The following NT5DC4 variants were observed in gnomAD, a reference collection of about 807,000 sequenced individuals.
The protein encoded by NT5DC4 is 5'-nucleotidase domain containing 4.
In NT5DC4, 44 loss-of-function variants were observed where a neutral mutation model predicts 26.6. The ratio of observed to expected loss-of-function variants is 1.65; its 90% confidence interval spans 1.30 to 2.13. NT5DC4 has a LOEUF of 2.13. Among genes scored for constraint, NT5DC4 ranks in the 30% most tolerant of loss-of-function variants. The pLI, the probability that NT5DC4 is intolerant of heterozygous loss-of-function variation, is 0.00. For missense variants in NT5DC4, 399 were observed against 228.1 expected, an observed-to-expected ratio of 1.75 and a Z score of -4.83; for synonymous variants, 157 against 86.7, an observed-to-expected ratio of 1.81 and a Z score of -4.51.
chr2:112,728,917 C>T (rs369795040), intron 15 of NT5DC4, among the ~76,000 whole-genome samples: 4 of 152,136 alleles, frequency 2.6e-5, no homozygotes, highest in Non-Finnish European at 4.4e-5. Flanking sequence ...TGGCTTTCAC[C>T]GGGCGGCCTC....
chr2:112,721,338 A>C, intron 1 of NT5DC4, 185 bp downstream of exon 1: 1 of 651,538 alleles, frequency 1.5e-6, no homozygotes, highest in African/African-American at 1.8e-5. Flanking sequence ...CTGACCACAC[A>C]CACTCCGGCG....
chr2:112,722,594 G>A lies in NT5DC4; in HGVS notation c.469+5G>A, dbSNP rs1380803811. The A allele has an allele frequency of 2.8e-6, 2 of 717,482 alleles. No homozygotes were observed. Among genetic ancestry groups the A allele is most frequent in the African/African-American group, 3.5e-5 (2 of 57,368 alleles). The allele number at this position is 717,482 out of a possible 1,614,324, so 44.4% of individuals were successfully genotyped here. The stretch of plus-strand genomic sequence containing the variant: ...ACATGCTCTTCAACCTGCCTGGTGG[G>A]TGGAGGGTTGGGGGCACGGGAGGTG... On this transcript the variant is annotated splice_donor_5th_base_variant and intron_variant, in intron 5 of 16. Transcript: ENST00000688554.
At chr2:112,719,904 T>TTTTCTTTCTTTCTTTCTTTCTTTCTTTC (rs1172710335), upstream of NT5DC4, among the ~76,000 whole-genome samples, 4 of 98,658 alleles carry the variant, frequency 4.1e-5, no homozygotes, top group African/African-American at 1.6e-4. Flanking sequence ...CTTTCTTTCT[T>TTTTCTTTCTTTCTTTCTTTCTTTCTTTC]TTTCTTTCTT....
intron 10 of NT5DC4, chr2:112,724,403 G>A (rs1270338187): frequency 1.0e-5 from 6 of 584,536 alleles, no homozygotes; most frequent in Admixed American, 3.0e-5. Flanking sequence ...GGCATGGCAG[G>A]TCAAAGGGAG....
chr2:112,718,907 C>T (rs541012243), upstream of NT5DC4, among the ~76,000 whole-genome samples: 43 of 152,346 alleles, frequency 2.8e-4, no homozygotes, highest in African/African-American at 1.0e-3. Flanking sequence ...TGTCCATTCA[C>T]TCATTCATGC....
intron 16 of NT5DC4, chr2:112,738,663 G>A (rs1679568429): frequency 1.6e-6 from 1 of 611,204 alleles, no homozygotes; most frequent in Admixed American, 3.0e-5. Context: ...TTTCCCATGG[G>A]GAGAGAAAAT....
rs1677789542 is a variant in NT5DC4, at chr2:112,726,757, G to A, written c.1266+19G>A. The A allele has an allele frequency of 2.8e-6, 2 of 717,386 alleles. No individual in the cohort carries two copies. The highest frequency in any genetic ancestry group is 1.7e-5 in the African/African-American group (1 of 57,278). 44.4% of individuals were successfully genotyped at this position (717,386 alleles called of 1,614,324 possible). A position where few individuals can be genotyped will look rare whatever the true frequency, so the allele number is the denominator to read the frequency against. ...GATCCAGGTGGGAGCTGGGTGGCGA[G>A]GGAAGGGACAGGCCCAGCAGGGGCG... On this transcript the variant is annotated intron_variant, in intron 15 of 16. Coordinates refer to ENST00000688554, the MANE Select transcript of NT5DC4 (RefSeq NM_001393655.1).
rs537103276 is a variant in NT5DC4 at position 112,723,467 on chromosome 2, A to G, written c.671A>G (p.Asp224Gly). ...GACTTGGAGAAATATGTGAAGAAGG[A>G]TGTGAGTGGCCACAGACCCAGGGCC... ...LEDLEKYVKK[D>G]PRLPILLGKM... The change falls in exon 8 of 17, where the codon GAT becomes GGT. Residue 224 changes from aspartate to glycine, a missense_variant and splice_region_variant. Coordinates refer to ENST00000688554, the MANE Select transcript of NT5DC4 (RefSeq NM_001393655.1). The G allele has an allele frequency of 1.5e-4, 108 of 717,222 alleles. No individual in the cohort carries two copies. Among genetic ancestry groups the G allele is most frequent in the African/African-American group, 1.5e-3 (84 of 57,340 alleles). The allele number at this position is 717,222 out of a possible 1,614,324, so 44.4% of individuals were successfully genotyped here.
At position 112,731,920 on chromosome 2, in the gene NT5DC4, T is replaced by G. The variant is rs1158637846; in HGVS notation, c.1344+2216T>G. 5.1e-3 allele frequency among the ~76,000 whole-genome samples: 737 copies of G among 144,260 alleles called. 1 individual carries two copies. Among genetic ancestry groups the G allele is most frequent in the African/African-American group, 0.019 (709 of 37,492 alleles). The allele number at this position is 144,260 out of a possible 152,430, so 94.6% of individuals were successfully genotyped here. ...GGCCATGGAATCAGAGAGTTTACTT[T>G]TTTTTTTTTTTTTTTTTTTTGAGAC... On this transcript the variant is annotated intron_variant, in intron 16 of 16. Coordinates refer to ENST00000688554, the MANE Select transcript of NT5DC4 (RefSeq NM_001393655.1).
In NT5DC4 at chr2:112,721,153, G is replaced by A. The variant is rs1574223403; in HGVS notation, c.74G>A (p.Arg25Gln). The change falls in exon 1 of 17, where the codon CGG becomes CAG. Residue 25 changes from arginine (R) to glutamine (Q), a missense_variant and splice_region_variant. Arg to Gln is a conservative substitution (Grantham distance 43). Transcript: ENST00000688554. ...PQGPKQDWHQRIFVNRSLALG... is the reference protein window; with the variant it reads ...PQGPKQDWHQQIFVNRSLALG... ...GGCCCGAAGCAGGACTGGCACCAGC[G>A]GTGAGATGGGCACCTGGGGTGGGGG... Among the ~76,000 whole-genome samples, 1 of 152,206 alleles carries A rather than the reference G, an allele frequency of 6.6e-6. No homozygotes were observed. The highest frequency in any genetic ancestry group is 1.5e-5 in the Non-Finnish European group (1 of 68,032).
chr2:112,726,681 C>T lies in NT5DC4; in HGVS notation c.1209C>T (p.His403=), dbSNP rs1677770499. ...CACCTAGCTATTTTTGTACCAGGCA[C>T]ATGGATGGGAGCAGTTGTGAGCTGC... ...LDTHLADIYQ[H]MDGSSCELQV... Residue 403 remains histidine, a synonymous_variant, in exon 15 of 17, where the codon CAC becomes CAT. Transcript: ENST00000688554. 5 of 717,414 alleles carry T rather than the reference C, an allele frequency of 7.0e-6. No individual in the cohort carries two copies. In the East Asian group the frequency reaches 1.1e-4, roughly 15 times the overall value. The allele number at this position is 717,414 out of a possible 1,614,324, so 44.4% of individuals were successfully genotyped here.
downstream of NT5DC4, chr2:112,742,755 C>T: frequency 6.2e-7 from 1 of 1,609,150 alleles, no homozygotes; most frequent in Non-Finnish European, 8.5e-7. Flanking sequence ...CAACTTTCCG[C>T]AACTCTTGTA....
chr2:112,724,648 G>T, intron 10 of NT5DC4, 133 bp from the exon 11 acceptor site: 1 of 627,020 alleles, frequency 1.6e-6, no homozygotes, highest in East Asian at 2.7e-5. Context: ...AGCGAGACCG[G>T]GTTCCCAGGG....
intron 15 of NT5DC4, among the ~76,000 whole-genome samples, chr2:112,727,989 G>A (rs968347434): frequency 4.6e-5 from 7 of 152,220 alleles, no homozygotes; most frequent in African/African-American, 7.2e-5. Flanking sequence ...GGGTCCCTGC[G>A]GAATCTCCAC....
At chr2:112,719,975 TTTC>T (rs1558715558), upstream of NT5DC4, among the ~76,000 whole-genome samples, 283 of 99,172 alleles carry the variant, frequency 2.9e-3, 2 homozygotes, top group African/African-American at 8.7e-3. Flanking sequence ...TCTTTCTTTC[TTTC>T]TTTCTTTCTT....
chr2:112,740,777 T>A, downstream of NT5DC4: 4 of 1,511,688 alleles, frequency 2.6e-6, no homozygotes, highest in Non-Finnish European at 3.6e-6. Context: ...TGGACTAGAA[T>A]TAAGTCTGTG....
At chr2:112,723,634 C>A in intron 8 of NT5DC4, 85 bp from the exon 9 acceptor site, 1 of 686,078 alleles carries the variant, frequency 1.5e-6, no homozygotes, top group Non-Finnish European at 2.7e-6. Context: ...CTGGGGTGGG[C>A]TCCCAGAAGG....
chr2:112,729,544 G>A (rs1678217605), intron 15 of NT5DC4, 83 bp from the exon 16 acceptor site: 1 of 705,116 alleles, frequency 1.4e-6, no homozygotes, highest in Admixed American at 2.0e-5. Context: ...CTGTGGGCAG[G>A]GGAGCCTGTG....
At chr2:112,742,298 G>A (rs1680030135), downstream of NT5DC4, 1 of 696,002 alleles carries the variant, frequency 1.4e-6, no homozygotes, top group Non-Finnish European at 2.7e-6. Context: ...TCATCCAATT[G>A]AAGAGATTCC....
Sources: allele counts gnomAD v4.1 joint callset (sites outside exome capture counted in the v4.1 genomes callset), GRCh38; gene constraint gnomAD v4.1.1; transcripts MANE v1.5; gene names NCBI Gene and HGNC (gene_info 2026-07-23, HGNC 2026-07-21).